TANGO6: variants seen among roughly 807,000 people sequenced by gnomAD.
The protein encoded by TANGO6 is transport and golgi organization 6 homolog.
Under a neutral mutation model 114.2 loss-of-function variants are expected in TANGO6, and 90 were observed. The ratio of observed to expected loss-of-function variants is 0.79; its 90% CI spans 0.66 to 0.94. The LOEUF (loss-of-function observed/expected upper bound fraction) is 0.94. TANGO6 is among the 40% of genes least tolerant of loss of function. TANGO6 has a pLI of 0.00. For synonymous variants in TANGO6, 477 were observed against 509.8 expected, an observed-to-expected ratio of 0.94 and a Z score of 0.87; for missense variants, 1,274 against 1,315.3, an observed-to-expected ratio of 0.97 and a Z score of 0.49.
At chr16:69,034,233 T>A (rs1255774399) in intron 16 of TANGO6, 1 of 153,204 alleles carries the variant, frequency 6.5e-6, no homozygotes, top group East Asian at 1.9e-4. Flanking sequence ...CTAGTACACC[T>A]TATCCCTGCC....
chr16:68,933,491 C>T (rs2152198918), intron 14 of TANGO6, among the ~76,000 whole-genome samples: 1 of 152,336 alleles, frequency 6.6e-6, no homozygotes, highest in Middle Eastern at 3.4e-3. Flanking sequence ...ACTCACGCAT[C>T]TGTAGACCCA....
At chr16:68,976,698 C>T (rs979354871) in intron 15 of TANGO6, among the ~76,000 whole-genome samples, 1 of 152,172 alleles carries the variant, frequency 6.6e-6, no homozygotes, top group African/African-American at 2.4e-5. Context: ...CAGTGGTGTA[C>T]AGTATCCATT....
At chr16:68,908,882 G>T (rs546504679) in intron 10 of TANGO6, among the ~76,000 whole-genome samples, 12 of 152,224 alleles carry the variant, frequency 7.9e-5, no homozygotes, top group African/African-American at 2.9e-4. Context: ...TGAGATTTTA[G>T]ATTTTTATAT....
chr16:69,015,233 G>A (rs1253150689), intron 15 of TANGO6, among the ~76,000 whole-genome samples: 1 of 152,152 alleles, frequency 6.6e-6, no homozygotes, highest in Non-Finnish European at 1.5e-5. Context: ...GAGAGGTCCA[G>A]TCTCGGAGAA....
At chr16:68,879,870 C>G (rs1358688412) in intron 6 of TANGO6, among the ~76,000 whole-genome samples, 1 of 151,950 alleles carries the variant, frequency 6.6e-6, no homozygotes, top group East Asian at 1.9e-4. Flanking sequence ...CCTGCCTCGG[C>G]CTCCTAAAGT....
At chr16:68,999,705 A>G (rs558306520) in intron 15 of TANGO6, among the ~76,000 whole-genome samples, 1 of 152,344 alleles carries the variant, frequency 6.6e-6, no homozygotes, top group East Asian at 1.9e-4. Flanking sequence ...GTTGAAAGCT[A>G]TAAATAGCTC....
chr16:69,002,448 A>C (rs1486722996), intron 15 of TANGO6, among the ~76,000 whole-genome samples: 1 of 152,102 alleles, frequency 6.6e-6, no homozygotes, highest in Admixed American at 6.6e-5. Flanking sequence ...GTTTTCCCCC[A>C]TGCTGTTGTT....
At chr16:68,914,170 A>G (rs1962967011) in intron 11 of TANGO6, among the ~76,000 whole-genome samples, 1 of 152,028 alleles carries the variant, frequency 6.6e-6, no homozygotes, top group Non-Finnish European at 1.5e-5. Context: ...TAATATTATT[A>G]TTATTTTTGA....
intron 15 of TANGO6, among the ~76,000 whole-genome samples, chr16:69,010,354 A>G (rs1344147615): frequency 4.6e-5 from 7 of 152,148 alleles, no homozygotes; most frequent in Non-Finnish European, 8.8e-5. Flanking sequence ...CCAAGAATGT[A>G]TCTCTAGTTA....
intron 17 of TANGO6, among the ~76,000 whole-genome samples, chr16:69,044,363 C>A (rs751089320): frequency 6.6e-6 from 1 of 152,048 alleles, no homozygotes; most frequent in African/African-American, 2.4e-5. Context: ...TTGCCGGGTG[C>A]GGTGACTCAC....
chr16:68,891,408 C>T (rs1005800523), intron 7 of TANGO6, among the ~76,000 whole-genome samples: 1 of 152,010 alleles, frequency 6.6e-6, no homozygotes, highest in African/African-American at 2.4e-5. Context: ...TGCAGTGAGC[C>T]AAGATTGCAC....
chr16:68,862,888 C>T lies in TANGO6; in HGVS notation c.736-57C>T, dbSNP rs115544189. 3,883 of 1,169,458 alleles carry T rather than the reference C, an allele frequency of 3.3e-3. 83 individuals carry two copies. In the African/African-American group the frequency reaches 0.051, roughly 15 times the overall value. The allele number at this position is 1,169,458 out of a possible 1,614,324, so 72.4% of individuals were successfully genotyped here. The stretch of plus-strand genomic sequence containing the variant: ...CTCTGTACAGTGTTGTAAAACTTTA[C>T]CTTCTATTGTCTGCCTGGTTTGAAT... On this transcript the variant is annotated intron_variant, in intron 2 of 17. Transcript: ENST00000261778.
intron 15 of TANGO6, among the ~76,000 whole-genome samples, chr16:69,020,026 GT>G (rs1287865984): frequency 1.3e-5 from 2 of 152,176 alleles, no homozygotes; most frequent in Admixed American, 1.3e-4. Context: ...TGAGAAATGT[GT>G]AGTTAGGTGA....
chr16:68,865,225 C>T (rs1441979282), intron 3 of TANGO6, among the ~76,000 whole-genome samples: 1 of 147,886 alleles, frequency 6.8e-6, no homozygotes, highest in African/African-American at 2.5e-5. Context: ...GCAGTGAGCC[C>T]AGATCGCGCC....
chr16:69,040,831 T>A (rs1415954065), intron 17 of TANGO6, among the ~76,000 whole-genome samples: 1 of 152,298 alleles, frequency 6.6e-6, no homozygotes, highest in East Asian at 1.9e-4. Flanking sequence ...CCTTTCTAGC[T>A]GAGTTCAATC....
At chr16:69,022,515 G>C (rs1028386493) in intron 15 of TANGO6, among the ~76,000 whole-genome samples, 2 of 152,064 alleles carry the variant, frequency 1.3e-5, no homozygotes, top group Admixed American at 1.3e-4. Context: ...ACCAGCCTGA[G>C]CAACATGGCA....
intron 16 of TANGO6, chr16:69,026,014 T>C (rs2152229315): frequency 6.5e-6 from 1 of 154,492 alleles, no homozygotes; most frequent in Admixed American, 6.5e-5. Context: ...TTTTTTTTTT[T>C]TTCTTGAGAC....
rs374494693 is a variant in TANGO6 at position 68,875,144 on chromosome 16, A to G, written c.995-10A>G. 6.8e-6 allele frequency: 11 copies of G among 1,609,676 alleles called. No homozygotes were observed. The highest frequency in any genetic ancestry group is 8.5e-6 in the Non-Finnish European group (10 of 1,176,956). ...CTGTGAGCTGCTAACATCTCTCTCC[A>G]TTGTGCCAGCGGGAGCAGCTGGTGG... On this transcript the variant is annotated splice_polypyrimidine_tract_variant and intron_variant, in intron 4 of 17. Coordinates refer to ENST00000261778, the MANE Select transcript of TANGO6 (RefSeq NM_024562.2).
At chr16:69,031,636 G>A (rs1198153840) in intron 16 of TANGO6, among the ~76,000 whole-genome samples, 1 of 151,814 alleles carries the variant, frequency 6.6e-6, no homozygotes, top group Non-Finnish European at 1.5e-5. Flanking sequence ...TGTCTCAGAT[G>A]GACGGGAAAA....
Sources: gnomAD v4.1 joint callset for allele counts (sites outside exome capture counted in the v4.1 genomes callset) on GRCh38, gnomAD v4.1.1 for gene constraint, MANE v1.5 for transcripts, NCBI Gene and HGNC (gene_info 2026-07-23, HGNC 2026-07-21) for gene names.